MYRIP: variants seen among roughly 807,000 people sequenced by gnomAD.
MYRIP encodes myosin VIIA and Rab interacting protein.
MYRIP carries 49 observed loss-of-function variants against 98.0 expected under a neutral mutation model. The ratio of observed to expected loss-of-function variants is 0.50; its 90% confidence interval spans 0.40 to 0.63. MYRIP has a LOEUF of 0.63. MYRIP is among the 30% of genes least tolerant of loss of function. The pLI is 0.00. For missense variants in MYRIP, 1,004 were observed against 1,058.2 expected, an observed-to-expected ratio of 0.95 and a Z score of 0.71; for synonymous variants, 404 against 409.5, an observed-to-expected ratio of 0.99 and a Z score of 0.16.
intron 2 of MYRIP, among the ~76,000 whole-genome samples, chr3:39,914,909 C>T (rs770927350): frequency 4.0e-5 from 5 of 124,066 alleles, no homozygotes; most frequent in Non-Finnish European, 8.6e-5. Context: ...TTCCCAAAGA[C>T]ATTTTCCCCT....
chr3:40,250,558 G>T lies in MYRIP; in HGVS notation c.2428+59G>T, dbSNP rs1016775609. Reference sequence around the variant, plus strand: ...AATTAAGCCTGAATCATTTACTTTGGGTAACAAAGAGACCTGAGTTTGAGA... The same window carrying T: ...AATTAAGCCTGAATCATTTACTTTGTGTAACAAAGAGACCTGAGTTTGAGA... On this transcript the variant is annotated intron_variant, in intron 15 of 16. Transcript: ENST00000302541. 10 of 1,575,228 alleles carry T rather than the reference G, an allele frequency of 6.3e-6. No homozygotes were observed. In the Admixed American group the frequency reaches 6.7e-5, roughly 11 times the overall value.
Position 40,151,791 on chromosome 3 carries a change from C to T in MYRIP, c.469+607C>T, listed in dbSNP as rs73827321. 5.6e-3 allele frequency among the ~76,000 whole-genome samples: 846 copies of T among 152,286 alleles called. 8 individuals are homozygous for T. The highest frequency in any genetic ancestry group is 0.018 in the African/African-American group (768 of 41,556). On this transcript the variant is annotated intron_variant, in intron 4 of 16. Transcript: ENST00000302541. The stretch of plus-strand genomic sequence containing the variant: ...AAAAGAATGGTAGTCAGAATATGGA[C>T]AGCATGCCTTCCAAAAAGGCTGTTT...
At chr3:39,986,590 C>T (rs1190253794) in intron 2 of MYRIP, among the ~76,000 whole-genome samples, 1 of 152,136 alleles carries the variant, frequency 6.6e-6, no homozygotes, top group African/African-American at 2.4e-5. Flanking sequence ...ACAGTGGATG[C>T]TGCAGCGGTA....
rs1452166304 is a variant in MYRIP, at chr3:39,997,107, C to G, written c.111-46943C>G. Among the ~76,000 whole-genome samples the G allele has an allele frequency of 7.9e-5, 12 of 152,278 alleles. No homozygotes were observed. In the South Asian group the frequency reaches 2.1e-3, roughly 26 times the overall value. ...GAAAGATCTAAAATGGACACCCTAA[C>G]ATCACAATTAAAAGAACTAGAAAGG... On this transcript the variant is annotated intron_variant, in intron 2 of 16. Coordinates refer to ENST00000302541, the MANE Select transcript of MYRIP (RefSeq NM_015460.4).
chr3:40,149,836 G>GT (rs374586553), intron 3 of MYRIP, among the ~76,000 whole-genome samples: 13 of 152,186 alleles, frequency 8.5e-5, no homozygotes, highest in African/African-American at 2.4e-4. Flanking sequence ...TGTATAGATT[G>GT]TTTTTTACCT....
intron 2 of MYRIP, among the ~76,000 whole-genome samples, chr3:39,919,921 T>A (rs1944270861): frequency 6.6e-6 from 1 of 152,110 alleles, no homozygotes; most frequent in Non-Finnish European, 1.5e-5. Context: ...CTAGTTTGTT[T>A]TGTAGCTAGA....
intron 1 of MYRIP, among the ~76,000 whole-genome samples, chr3:39,881,655 C>T (rs1432074960): frequency 1.3e-5 from 2 of 152,138 alleles, no homozygotes; most frequent in African/African-American, 4.8e-5. Context: ...CAGAGCCTCT[C>T]TAGCCCAGTC....
At position 39,985,333 on chromosome 3, in the gene MYRIP, C is replaced by T. The variant is rs1946005863; in HGVS notation, c.111-58717C>T. Among the ~76,000 whole-genome samples the T allele has an allele frequency of 2.3e-5, 3 of 131,544 alleles. No homozygotes were observed. In the South Asian group the frequency reaches 8.4e-4, roughly 37 times the overall value. The allele number at this position is 131,544 out of a possible 152,430, so 86.3% of individuals were successfully genotyped here. Reference sequence around the variant, plus strand: ...GGATACAAACAAATGGAAGAACATTCCATGCTCATGGGTAGGAAGAATCAA... The same window carrying T: ...GGATACAAACAAATGGAAGAACATTTCATGCTCATGGGTAGGAAGAATCAA... On this transcript the variant is annotated intron_variant, in intron 2 of 16. Coordinates refer to ENST00000302541, the MANE Select transcript of MYRIP (RefSeq NM_015460.4).
chr3:40,031,946 G>A (rs4396822), intron 2 of MYRIP, among the ~76,000 whole-genome samples: 75,197 of 151,716 alleles, frequency 0.5, 20,338 homozygotes, highest in East Asian at 0.67. Context: ...CCAGCTCCTG[G>A]ATTCATTAAT....
chr3:39,892,321 A>G (rs1943508909), intron 1 of MYRIP, among the ~76,000 whole-genome samples: 1 of 152,130 alleles, frequency 6.6e-6, no homozygotes, highest in African/African-American at 2.4e-5. Context: ...GAATTTAAGA[A>G]TTGAAGGCTG....
At chr3:40,142,640 G>A (rs1488232796) in intron 3 of MYRIP, among the ~76,000 whole-genome samples, 7 of 151,744 alleles carry the variant, frequency 4.6e-5, no homozygotes, top group Admixed American at 4.6e-4. Context: ...TGTATTTTTT[G>A]TAGAGATGGG....
At chr3:40,129,732 T>G (rs1044596305) in intron 3 of MYRIP, among the ~76,000 whole-genome samples, 6 of 152,176 alleles carry the variant, frequency 3.9e-5, no homozygotes, top group African/African-American at 1.4e-4. Context: ...GAGGAAGGCC[T>G]GGGAATGCCT....
At chr3:40,241,243 C>T (rs1454150170) in intron 12 of MYRIP, among the ~76,000 whole-genome samples, 1 of 152,176 alleles carries the variant, frequency 6.6e-6, no homozygotes, top group African/African-American at 2.4e-5. Context: ...ATGGAGTATA[C>T]AACCAGTGGC....
intron 13 of MYRIP, among the ~76,000 whole-genome samples, chr3:40,247,187 G>C (rs1385411758): frequency 6.6e-6 from 1 of 151,974 alleles, no homozygotes; most frequent in Non-Finnish European, 1.5e-5. Context: ...CATTTTTCTA[G>C]ACTTAAATTA....
chr3:40,182,156 G>A (rs1950897353), intron 8 of MYRIP, 64 bp from the exon 9 acceptor site: 3 of 1,463,590 alleles, frequency 2.0e-6, no homozygotes, highest in Admixed American at 2.4e-5. Context: ...CCCAAAAGGT[G>A]AAGGCACACC....
chr3:39,997,768 C>A (rs923442538), intron 2 of MYRIP, among the ~76,000 whole-genome samples: 17 of 152,098 alleles, frequency 1.1e-4, no homozygotes, highest in Non-Finnish European at 2.1e-4. Context: ...TAATGAACAT[C>A]GATGCAAAAA....
chr3:39,893,092 A>G (rs1172615142), intron 1 of MYRIP, among the ~76,000 whole-genome samples: 1 of 152,190 alleles, frequency 6.6e-6, no homozygotes, highest in Non-Finnish European at 1.5e-5. Flanking sequence ...AAACTCTTTT[A>G]TAGATGGTTT....
At chr3:39,913,735 C>T (rs1218580696) in intron 2 of MYRIP, among the ~76,000 whole-genome samples, 1 of 152,144 alleles carries the variant, frequency 6.6e-6, no homozygotes, top group African/African-American at 2.4e-5. Context: ...CAAAAACGTG[C>T]AGACCAAAAC....
At chr3:39,948,444 A>T (rs1944944743) in intron 2 of MYRIP, among the ~76,000 whole-genome samples, 1 of 152,346 alleles carries the variant, frequency 6.6e-6, no homozygotes, top group Non-Finnish European at 1.5e-5. Flanking sequence ...TTGCTGAGTT[A>T]AAGAAGTCAG....
Sources: gnomAD v4.1 joint callset for allele counts (sites outside exome capture counted in the v4.1 genomes callset) on GRCh38, gnomAD v4.1.1 for gene constraint, MANE v1.5 for transcripts, NCBI Gene and HGNC (gene_info 2026-07-23, HGNC 2026-07-21) for gene names.